Variants in SLC24A3 observed in about 807,000 individuals in gnomAD.
SLC24A3 encodes the protein sodium/potassium/calcium exchanger 3.
SLC24A3 carries 28 observed loss-of-function variants against 75.8 expected under a neutral mutation model. That is an observed-to-expected ratio of 0.37 (90% CI 0.27 to 0.51). SLC24A3 has a LOEUF of 0.51. SLC24A3 is among the 20% of genes least tolerant of loss of function. The pLI is 0.94. For synonymous variants in SLC24A3, 372 were observed against 334.1 expected, an observed-to-expected ratio of 1.11 and a Z score of -1.24; for missense variants, 663 against 847.8, an observed-to-expected ratio of 0.78 and a Z score of 2.71.
At chr20:19,523,683 G>T (rs544093964) in intron 3 of SLC24A3, among the ~76,000 whole-genome samples, 3 of 152,292 alleles carry the variant, frequency 2.0e-5, no homozygotes, top group Non-Finnish European at 4.4e-5. Flanking sequence ...TTCCACTTTA[G>T]CTTGTAGCCA....
intron 1 of SLC24A3, among the ~76,000 whole-genome samples, chr20:19,231,414 C>G (rs1982019170): frequency 6.6e-6 from 1 of 152,162 alleles, no homozygotes; most frequent in South Asian, 2.1e-4. Flanking sequence ...CCTGGATTAT[C>G]AGGGTGGGCT....
chr20:19,718,599 G>C (rs1009614858), intron 16 of SLC24A3, among the ~76,000 whole-genome samples: 19 of 152,080 alleles, frequency 1.2e-4, no homozygotes, highest in Admixed American at 1.2e-3. Context: ...CTGACACCAG[G>C]GTGCACAATC....
intron 3 of SLC24A3, among the ~76,000 whole-genome samples, chr20:19,550,166 T>C (rs2030667325): frequency 6.6e-6 from 1 of 152,226 alleles, no homozygotes. Context: ...AAAAATGTTC[T>C]GAAACTTACT....
At chr20:19,605,097 A>AG (rs1181705971) in intron 6 of SLC24A3, among the ~76,000 whole-genome samples, 1 of 152,216 alleles carries the variant, frequency 6.6e-6, no homozygotes, top group Non-Finnish European at 1.5e-5. Context: ...GAGTTAAATT[A>AG]GGAAAAAAAA....
chr20:19,260,650 A>T (rs1474035973), intron 1 of SLC24A3, among the ~76,000 whole-genome samples: 2 of 152,220 alleles, frequency 1.3e-5, no homozygotes, highest in Non-Finnish European at 2.9e-5. Context: ...TGTGAAAAGA[A>T]CTGCTGCACT....
chr20:19,356,493 T>C (rs1188917891), intron 2 of SLC24A3, among the ~76,000 whole-genome samples: 1 of 152,220 alleles, frequency 6.6e-6, no homozygotes, highest in East Asian at 1.9e-4. Flanking sequence ...TTTTGTGAGG[T>C]TTATCTGTGT....
intron 2 of SLC24A3, among the ~76,000 whole-genome samples, chr20:19,429,011 C>A (rs1213339911): frequency 6.6e-6 from 1 of 152,172 alleles, no homozygotes; most frequent in Admixed American, 6.5e-5. Flanking sequence ...CCTCCCCCTC[C>A]AGTGTTTCTG....
At chr20:19,520,096 G>A (rs1425960115) in intron 3 of SLC24A3, among the ~76,000 whole-genome samples, 1 of 152,160 alleles carries the variant, frequency 6.6e-6, no homozygotes, top group South Asian at 2.1e-4. Flanking sequence ...AGAGTAGAAG[G>A]TGTCACACAT....
At chr20:19,476,424 A>G (rs569120704) in intron 2 of SLC24A3, among the ~76,000 whole-genome samples, 20 of 152,318 alleles carry the variant, frequency 1.3e-4, no homozygotes, top group African/African-American at 4.1e-4. Flanking sequence ...GTAACATAGG[A>G]GAAAATTAGG....
chr20:19,572,115 T>C (rs1312442748), intron 3 of SLC24A3, among the ~76,000 whole-genome samples: 1 of 151,938 alleles, frequency 6.6e-6, no homozygotes, highest in Non-Finnish European at 1.5e-5. Context: ...GAGGGGAGGA[T>C]CGCTTGAGTC....
At chr20:19,660,740 C>T (rs903159960) in intron 7 of SLC24A3, among the ~76,000 whole-genome samples, 2 of 152,098 alleles carry the variant, frequency 1.3e-5, no homozygotes, top group Non-Finnish European at 2.9e-5. Context: ...TCCTTCAGCT[C>T]GTTGTGCCCT....
At chr20:19,407,246 G>GGCA (rs1986663529) in intron 2 of SLC24A3, among the ~76,000 whole-genome samples, 1 of 152,176 alleles carries the variant, frequency 6.6e-6, no homozygotes, top group Non-Finnish European at 1.5e-5. Flanking sequence ...GAGTGTATTT[G>GGCA]GCAGCAGCAG....
intron 2 of SLC24A3, among the ~76,000 whole-genome samples, chr20:19,474,786 T>C (rs1012747944): frequency 1.3e-5 from 2 of 152,208 alleles, no homozygotes; most frequent in African/African-American, 4.8e-5. Context: ...GTACAGCATC[T>C]CATTACTACC....
chr20:19,466,557 C>T (rs929086526), intron 2 of SLC24A3, among the ~76,000 whole-genome samples: 1 of 152,208 alleles, frequency 6.6e-6, no homozygotes. Context: ...AAAATATGTG[C>T]ATTCGCTGAT....
At chr20:19,641,323 C>A (rs1324832807) in intron 6 of SLC24A3, among the ~76,000 whole-genome samples, 1 of 152,182 alleles carries the variant, frequency 6.6e-6, no homozygotes, top group Non-Finnish European at 1.5e-5. Context: ...CAGCCCCAAG[C>A]CTCTGAGTCT....
intron 2 of SLC24A3, among the ~76,000 whole-genome samples, chr20:19,349,508 C>G (rs1030925783): frequency 1.3e-5 from 2 of 152,202 alleles, no homozygotes; most frequent in Non-Finnish European, 2.9e-5. Context: ...CCCCTCAAAG[C>G]AGACCAGAAG....
chr20:19,661,231 C>T (rs1289334417), intron 7 of SLC24A3, among the ~76,000 whole-genome samples: 1 of 152,200 alleles, frequency 6.6e-6, no homozygotes, highest in East Asian at 1.9e-4. Context: ...ATTTATACAA[C>T]ATGATCAGCT....
intron 2 of SLC24A3, among the ~76,000 whole-genome samples, chr20:19,511,265 G>A (rs1988531356): frequency 6.6e-6 from 1 of 152,066 alleles, no homozygotes; most frequent in South Asian, 2.1e-4. Flanking sequence ...CTAAGGCATG[G>A]GCATTTGGAA....
intron 4 of SLC24A3, among the ~76,000 whole-genome samples, chr20:19,582,838 T>TC (rs572203573): frequency 8.5e-4 from 129 of 152,144 alleles, no homozygotes; most frequent in Non-Finnish European, 1.2e-3. Context: ...GGGCCTGGCA[T>TC]CCCCAAGGAC....
Sources: allele counts gnomAD v4.1 joint callset (sites outside exome capture counted in the v4.1 genomes callset), GRCh38; gene constraint gnomAD v4.1.1; transcripts MANE v1.5; gene names NCBI Gene and HGNC (gene_info 2026-07-23, HGNC 2026-07-21).